MFHAS1: variants seen among roughly 807,000 people sequenced by gnomAD.
MFHAS1 encodes malignant fibrous histiocytoma-amplified sequence 1.
Under a neutral mutation model 70.4 loss-of-function variants are expected in MFHAS1, and 50 were observed. The observed-to-expected ratio is 0.71, with a 90% CI of 0.57 to 0.90. The LOEUF (loss-of-function observed/expected upper bound fraction) is 0.90, where lower values mean the gene tolerates loss of function less well. Among genes scored for constraint, MFHAS1 ranks in the 40% least tolerant of loss-of-function variants. The probability of loss-of-function intolerance (pLI) is 0.00; values close to 1 mark genes in which losing one functional copy is unlikely to be tolerated. For missense variants in MFHAS1, 1,795 were observed against 1,347.6 expected (o/e 1.33, Z -5.20); for synonymous variants, 952 against 620.0 (o/e 1.54, Z -7.96).
At chr8:8,829,630 GA>G (rs1807293844) in intron 1 of MFHAS1, among the ~76,000 whole-genome samples, 1 of 152,290 alleles carries the variant, frequency 6.6e-6, no homozygotes, top group African/African-American at 2.4e-5. Context: ...GCAGTGAGCC[GA>G]GATCACGCCA....
At position 8,856,618 on chromosome 8, in the gene MFHAS1, T is replaced by C. The variant is rs376079784; in HGVS notation, c.2998+33443A>G. 2.3e-4 allele frequency among the ~76,000 whole-genome samples: 35 copies of C among 152,340 alleles called. 1 individual carries two copies. In the East Asian group the frequency reaches 6.4e-3, roughly 28 times the overall value. ...GGAAATTAGCTTAATAGTATTTTACTTGCAAGGTCCTACATTTCAATATTA... is the reference window on the plus strand; with the variant it reads ...GGAAATTAGCTTAATAGTATTTTACCTGCAAGGTCCTACATTTCAATATTA... On this transcript the variant is annotated intron_variant, in intron 1 of 2. Coordinates refer to ENST00000276282, the MANE Select transcript of MFHAS1 (RefSeq NM_004225.3).
intron 1 of MFHAS1, among the ~76,000 whole-genome samples, chr8:8,809,023 C>T (rs1352835616): frequency 6.6e-6 from 1 of 152,086 alleles, no homozygotes; most frequent in East Asian, 1.9e-4. Flanking sequence ...ATCAGGGCAG[C>T]ATGAGATTCT....
chr8:8,851,057 T>C (rs932201259), intron 1 of MFHAS1, among the ~76,000 whole-genome samples: 3 of 152,164 alleles, frequency 2.0e-5, no homozygotes, highest in Non-Finnish European at 4.4e-5. Context: ...AAGTCTTACA[T>C]AGGGTCACGT....
intron 1 of MFHAS1, among the ~76,000 whole-genome samples, chr8:8,887,319 C>G (rs1809797823): frequency 6.6e-6 from 1 of 152,020 alleles, no homozygotes. Context: ...ATTATTTTAA[C>G]TTTTACCAAA....
At chr8:8,830,255 A>G (rs967236006) in intron 1 of MFHAS1, among the ~76,000 whole-genome samples, 1 of 152,212 alleles carries the variant, frequency 6.6e-6, no homozygotes, top group African/African-American at 2.4e-5. Flanking sequence ...AAATGACTGT[A>G]AAAACTCCTA....
At chr8:8,831,929 A>T (rs1198744242) in intron 1 of MFHAS1, among the ~76,000 whole-genome samples, 1 of 152,170 alleles carries the variant, frequency 6.6e-6, no homozygotes. Context: ...GATTTTTGAC[A>T]AGAGCCCAGG....
At chr8:8,793,072 G>A (rs1805773140) in intron 2 of MFHAS1, among the ~76,000 whole-genome samples, 1 of 152,090 alleles carries the variant, frequency 6.6e-6, no homozygotes, top group Admixed American at 6.6e-5. Flanking sequence ...AGAAGGGGAG[G>A]CATTTCATCC....
chr8:8,820,066 G>C (rs775704779), intron 1 of MFHAS1, among the ~76,000 whole-genome samples: 1 of 152,072 alleles, frequency 6.6e-6, no homozygotes, highest in African/African-American at 2.4e-5. Context: ...TTTTTGTTCT[G>C]ATTTTTCCCC....
intron 1 of MFHAS1, among the ~76,000 whole-genome samples, chr8:8,853,217 A>G (rs1233521871): frequency 6.6e-6 from 1 of 151,030 alleles, no homozygotes; most frequent in African/African-American, 2.5e-5. Context: ...ATACCCCCCA[A>G]AAAAAATGGA....
At chr8:8,874,925 C>T (rs915360295) in intron 1 of MFHAS1, among the ~76,000 whole-genome samples, 4 of 147,728 alleles carry the variant, frequency 2.7e-5, no homozygotes, top group South Asian at 2.2e-4. Context: ...AAAAGAAAAA[C>T]CACCAAGATG....
intron 1 of MFHAS1, among the ~76,000 whole-genome samples, chr8:8,864,934 T>C (rs1162826925): frequency 6.6e-6 from 1 of 152,140 alleles, no homozygotes; most frequent in Admixed American, 6.5e-5. Flanking sequence ...CACATATTAG[T>C]TACTAGAAAG....
chr8:8,884,872 GAGCCCAAGAGGTCGAGGCTGCAGTA>G (rs1480062690), intron 1 of MFHAS1, among the ~76,000 whole-genome samples: 1 of 152,076 alleles, frequency 6.6e-6, no homozygotes, highest in African/African-American at 2.4e-5. Context: ...ATCATCACCT[GAGCCCAAGAGGTCGAGGCTGCAGTA>G]AGCCATTATT....
intron 1 of MFHAS1, among the ~76,000 whole-genome samples, chr8:8,817,072 T>C (rs1002127890): frequency 1.3e-5 from 2 of 152,182 alleles, no homozygotes; most frequent in African/African-American, 4.8e-5. Context: ...CTAAGGGTAA[T>C]TAGAGATCAG....
intron 1 of MFHAS1, among the ~76,000 whole-genome samples, chr8:8,846,782 T>G (rs1051958264): frequency 1.3e-5 from 2 of 152,090 alleles, no homozygotes; most frequent in African/African-American, 2.4e-5. Context: ...TTAGCCCTCC[T>G]AGACAGGTTT....
In MFHAS1 at chr8:8,846,130, G is replaced by A. The variant is rs1044391598; in HGVS notation, c.2998+43931C>T. Among the ~76,000 whole-genome samples the A allele has an allele frequency of 1.8e-4, 28 of 151,602 alleles. 1 individual carries two copies. Among genetic ancestry groups the A allele is most frequent in the Non-Finnish European group, 5.9e-5 (4 of 67,944 alleles). On this transcript the variant is annotated intron_variant, in intron 1 of 2. Transcript: ENST00000276282. The stretch of plus-strand genomic sequence containing the variant: ...TAGCTGGACATGGTGGCACGCATCT[G>A]TAATCCCAGCTACTCAGGAAGCTGA...
chr8:8,866,297 A>C (rs1808854153), intron 1 of MFHAS1, among the ~76,000 whole-genome samples: 1 of 151,596 alleles, frequency 6.6e-6, no homozygotes, highest in African/African-American at 2.4e-5. Flanking sequence ...ATGGCAACTT[A>C]GCAAGGATCA....
intron 1 of MFHAS1, among the ~76,000 whole-genome samples, chr8:8,800,000 T>A (rs1806031468): frequency 6.6e-6 from 1 of 152,210 alleles, no homozygotes; most frequent in South Asian, 2.1e-4. Flanking sequence ...GATGTGAACT[T>A]GGGAACCCAC....
intron 1 of MFHAS1, among the ~76,000 whole-genome samples, chr8:8,831,262 G>C (rs1807377022): frequency 6.6e-6 from 1 of 152,022 alleles, no homozygotes; most frequent in South Asian, 2.1e-4. Context: ...TACATTGGGG[G>C]TTGGGGCTTC....
rs1248592410 is a variant in MFHAS1 at position 8,822,664 on chromosome 8, G to T, written c.2999-25173C>A. The stretch of plus-strand genomic sequence containing the variant: ...TGGAGACAGGGACCCAAGTCAGGGG[G>T]ACTGAGACGGGGACAGGGACCAAGT... On this transcript the variant is annotated intron_variant, in intron 1 of 2. Transcript: ENST00000276282. Among the ~76,000 whole-genome samples, 8 of 140,342 alleles carry T rather than the reference G, an allele frequency of 5.7e-5. No homozygotes were observed. The East Asian group carries it at 1.8e-3, about 32-fold the overall frequency. The allele number at this position is 140,342 out of a possible 152,430, so 92.1% of individuals were successfully genotyped here.
Sources: allele counts gnomAD v4.1 joint callset (sites outside exome capture counted in the v4.1 genomes callset), GRCh38; gene constraint gnomAD v4.1.1; transcripts MANE v1.5; gene names NCBI Gene and HGNC (gene_info 2026-07-23, HGNC 2026-07-21).